NAV2: variants seen among roughly 807,000 people sequenced by gnomAD.
NAV2 encodes helicase, APC down-regulated 1.
In NAV2, 54 loss-of-function variants were observed where a neutral mutation model predicts 223.2. That is an observed-to-expected ratio of 0.24 (90% CI 0.19 to 0.30). The LOEUF (loss-of-function observed/expected upper bound fraction) is 0.30, where lower values mean the gene tolerates loss of function less well. Among genes scored for constraint, NAV2 ranks in the 10% least tolerant of loss-of-function variants. NAV2 has a pLI of 1.00. For synonymous variants in NAV2, 1,279 were observed against 1,239.3 expected (o/e 1.03, Z -0.67); for missense variants, 2,806 against 3,147.5 (o/e 0.89, Z 2.60).
At chr11:20,021,144 G>A (rs577777086) in intron 11 of NAV2, among the ~76,000 whole-genome samples, 5 of 152,098 alleles carry the variant, frequency 3.3e-5, no homozygotes, top group South Asian at 2.1e-4. Context: ...TTGTTCTCCC[G>A]AGCATTTATT....
chr11:20,085,653 C>G (rs2153671920), intron 26 of NAV2, among the ~76,000 whole-genome samples: 1 of 152,346 alleles, frequency 6.6e-6, no homozygotes, highest in African/African-American at 2.4e-5. Flanking sequence ...ATTTCTTGCT[C>G]ACTCCAAACC....
At chr11:19,420,577 A>G (rs1850569070) in intron 1 of NAV2, among the ~76,000 whole-genome samples, 1 of 152,242 alleles carries the variant, frequency 6.6e-6, no homozygotes, top group African/African-American at 2.4e-5. Flanking sequence ...AATGAGAACA[A>G]ACTAAGCTAC....
At chr11:20,113,496 G>A (rs2062804541) in intron 36 of NAV2, among the ~76,000 whole-genome samples, 1 of 152,132 alleles carries the variant, frequency 6.6e-6, no homozygotes, top group South Asian at 2.1e-4. Flanking sequence ...TTGGAGGCAT[G>A]GTGTTGATCT....
intron 4 of NAV2, among the ~76,000 whole-genome samples, chr11:19,875,511 G>T (rs2062785694): frequency 1.3e-5 from 2 of 152,146 alleles, no homozygotes; most frequent in South Asian, 4.1e-4. Context: ...GTGAAAAATT[G>T]TAAGTAAAAC....
chr11:19,995,072 G>A (rs7112354), intron 11 of NAV2, among the ~76,000 whole-genome samples: 23,054 of 152,154 alleles, frequency 0.15, 2,117 homozygotes, highest in African/African-American at 0.26. Context: ...GAGTGCAGTA[G>A]GAACCAAAAG....
At chr11:19,857,881 C>G (rs952881791) in intron 3 of NAV2, among the ~76,000 whole-genome samples, 18 of 152,122 alleles carry the variant, frequency 1.2e-4, no homozygotes, top group African/African-American at 3.9e-4. Flanking sequence ...TTTTTTGAGA[C>G]AGTTTCACTC....
At chr11:19,715,852 G>A (rs906949397) in intron 1 of NAV2, among the ~76,000 whole-genome samples, 1 of 152,184 alleles carries the variant, frequency 6.6e-6, no homozygotes, top group East Asian at 1.9e-4. Context: ...AGTTTGGATG[G>A]ACTGCTAAGG....
intron 1 of NAV2, among the ~76,000 whole-genome samples, chr11:19,549,848 T>C (rs2044631554): frequency 6.6e-6 from 1 of 152,232 alleles, no homozygotes; most frequent in South Asian, 2.1e-4. Context: ...GACAAGAACG[T>C]TAGTCTGGTA....
At chr11:20,062,766 C>T (rs1346203884) in intron 20 of NAV2, among the ~76,000 whole-genome samples, 7 of 152,206 alleles carry the variant, frequency 4.6e-5, no homozygotes, top group Non-Finnish European at 1.0e-4. Context: ...TTGATCTCGG[C>T]TCACTGCAAC....
rs753397757 is a variant in NAV2, at chr11:19,934,284, G to T, written c.2033+7G>T. On this transcript the variant is annotated splice_region_variant and intron_variant, in intron 7 of 37. Transcript: ENST00000349880. ...TTGCACCTTTCCTGTACAGGTAGGA[G>T]CTGCCACCCACCTGTGCTGCCTGGG... is the stretch of plus-strand genomic sequence containing the variant. The T allele has an allele frequency of 6.4e-7, 1 of 1,565,088 alleles. No homozygotes were observed. The highest frequency in any genetic ancestry group is 8.7e-7 in the Non-Finnish European group (1 of 1,154,098).
At chr11:19,780,146 G>T (rs1039232164) in intron 1 of NAV2, among the ~76,000 whole-genome samples, 3 of 152,190 alleles carry the variant, frequency 2.0e-5, no homozygotes, top group African/African-American at 7.2e-5. Context: ...TGTTATCTCT[G>T]CAGGGGAATG....
At chr11:19,805,816 C>T (rs1413280592) in intron 1 of NAV2, among the ~76,000 whole-genome samples, 4 of 152,196 alleles carry the variant, frequency 2.6e-5, no homozygotes, top group Non-Finnish European at 5.9e-5. Flanking sequence ...AGAGCATTCA[C>T]ATCTCCATTT....
chr11:19,706,401 AAAATT>A (rs1465015441), intron 1 of NAV2, among the ~76,000 whole-genome samples: 2 of 152,222 alleles, frequency 1.3e-5, no homozygotes, highest in African/African-American at 4.8e-5. Flanking sequence ...TTTTTGTTAC[AAAATT>A]AAATTAATCA....
chr11:20,027,437 G>C (rs1239736090), intron 11 of NAV2: 2 of 985,522 alleles, frequency 2.0e-6, no homozygotes, highest in South Asian at 4.7e-5. Context: ...GCTGTGCCTT[G>C]ATTCTGGAGC....
intron 1 of NAV2, among the ~76,000 whole-genome samples, chr11:19,675,988 G>A (rs1409404186): frequency 2.0e-5 from 3 of 152,146 alleles, no homozygotes; most frequent in Non-Finnish European, 4.4e-5. Flanking sequence ...TTACAGATGT[G>A]GGAGGCTCTG....
At chr11:19,797,063 G>A (rs887202528) in intron 1 of NAV2, among the ~76,000 whole-genome samples, 1 of 152,064 alleles carries the variant, frequency 6.6e-6, no homozygotes, top group East Asian at 1.9e-4. Context: ...GGGGTCACTG[G>A]CCCCCCACAC....
chr11:19,362,792 C>A (rs1789065393), intron 1 of NAV2, among the ~76,000 whole-genome samples: 1 of 152,094 alleles, frequency 6.6e-6, no homozygotes, highest in Non-Finnish European at 1.5e-5. Context: ...CATTTAGAGC[C>A]ATTTTGAGAA....
chr11:19,526,136 G>A (rs760067307), intron 1 of NAV2, among the ~76,000 whole-genome samples: 2 of 152,126 alleles, frequency 1.3e-5, no homozygotes, highest in Non-Finnish European at 2.9e-5. Context: ...TTTCTGCCTT[G>A]TCTTTTTAAA....
intron 1 of NAV2, among the ~76,000 whole-genome samples, chr11:19,550,902 A>G (rs1318734791): frequency 6.6e-6 from 1 of 152,176 alleles, no homozygotes; most frequent in African/African-American, 2.4e-5. Flanking sequence ...AACAACCCAA[A>G]AGTTACCACC....
Sources: allele counts gnomAD v4.1 joint callset (sites outside exome capture counted in the v4.1 genomes callset), GRCh38; gene constraint gnomAD v4.1.1; transcripts MANE v1.5; gene names NCBI Gene and HGNC (gene_info 2026-07-23, HGNC 2026-07-21).